The following PBX1 variants were observed in gnomAD, a reference collection of about 807,000 sequenced individuals.
PBX1 encodes pre-B-cell leukemia transcription factor 1.
PBX1 carries 6 observed loss-of-function variants against 53.4 expected under a neutral mutation model. The ratio of observed to expected loss-of-function variants is 0.11; its 90% confidence interval spans 0.06 to 0.22. The LOEUF is 0.22. PBX1 is among the 10% of genes least tolerant of loss of function. The probability of loss-of-function intolerance (pLI) is 1.00; values close to 1 mark genes in which losing one functional copy is unlikely to be tolerated. For synonymous variants in PBX1, 204 were observed against 212.3 expected (o/e 0.96, Z 0.34); for missense variants, 251 against 551.4 (o/e 0.46, Z 5.46).
chr1:164,597,687 C>T (rs1408874596), intron 2 of PBX1, among the ~76,000 whole-genome samples: 10 of 152,106 alleles, frequency 6.6e-5, no homozygotes, highest in African/African-American at 2.4e-4. Flanking sequence ...AGGACATTAC[C>T]TTTAAGAATA....
At chr1:164,655,135 C>T (rs12029702) in intron 2 of PBX1, among the ~76,000 whole-genome samples, 23,623 of 141,376 alleles carry the variant, frequency 0.17, 2,045 homozygotes, top group South Asian at 0.22. Flanking sequence ...TTTTTTAAGA[C>T]GGAATTTCAC....
At chr1:164,823,620 G>A (rs748061643) in intron 8 of PBX1, among the ~76,000 whole-genome samples, 11 of 95,790 alleles carry the variant, frequency 1.1e-4, no homozygotes, top group Non-Finnish European at 1.6e-4. Context: ...TGGGGGGTGG[G>A]GGGGGGGGTC....
chr1:164,786,575 T>C (rs1285493584), intron 2 of PBX1, among the ~76,000 whole-genome samples: 2 of 152,014 alleles, frequency 1.3e-5, no homozygotes, highest in Non-Finnish European at 2.9e-5. Context: ...TTTAGAGAAA[T>C]TAAAAGAAAT....
chr1:164,682,987 G>T (rs1440108945), intron 2 of PBX1: 1 of 152,176 alleles, frequency 6.6e-6, no homozygotes, highest in South Asian at 2.1e-4. Flanking sequence ...GTTTTTTGAT[G>T]TGGAAAGCTA....
At chr1:164,885,742 G>A (rs1213288) in intron 2 of PBX1, among the ~76,000 whole-genome samples, 122,814 of 151,904 alleles carry the variant, frequency 0.81, 49,772 homozygotes, top group Middle Eastern at 0.84. Flanking sequence ...CCAGATATCC[G>A]CAAAGGTCAC....
At chr1:164,836,897 C>T (rs777417143) in intron 8 of PBX1, among the ~76,000 whole-genome samples, 21 of 152,294 alleles carry the variant, frequency 1.4e-4, no homozygotes, top group Admixed American at 8.5e-4. Flanking sequence ...AGGCTGCCAA[C>T]GGAGCCTTTG....
intron 8 of PBX1, among the ~76,000 whole-genome samples, chr1:164,836,263 G>A (rs1671033567): frequency 6.6e-6 from 1 of 152,084 alleles, no homozygotes; most frequent in African/African-American, 2.4e-5. Context: ...ACCATCATAT[G>A]CTCTGCCCAT....
Position 164,870,295 on chromosome 1 carries a change from TTC to T in PBX1, n.258-28891_258-28890del, listed in dbSNP as rs1447841342. Among the ~76,000 whole-genome samples the T allele has an allele frequency of 1.5e-3, 69 of 47,324 alleles. 1 individual carries two copies. The highest frequency in any genetic ancestry group is 0.012 in the Admixed American group (55 of 4,552). 31.0% of individuals were successfully genotyped at this position (47,324 alleles called of 152,430 possible). On this transcript the variant is annotated intron_variant and non_coding_transcript_variant, in intron 2 of 2. Coordinates refer to the PBX1 transcript ENST00000558796. ...TTTCTTTCTTTCTTTCTTTCTTTCT[TTC>T]TTTCTTTCTTTCTTTCTTTCTTTCT...
downstream of PBX1, among the ~76,000 whole-genome samples, chr1:164,854,926 T>A (rs1571534085): frequency 3.4e-5 from 5 of 148,554 alleles, no homozygotes; most frequent in South Asian, 1.1e-3. Flanking sequence ...ACCAGAGTTA[T>A]CCTCCTCTCT....
chr1:164,736,021 G>A (rs1665250722), intron 2 of PBX1, among the ~76,000 whole-genome samples: 1 of 152,148 alleles, frequency 6.6e-6, no homozygotes, highest in South Asian at 2.1e-4. Flanking sequence ...ATCTCCAGCA[G>A]AAACTGGCTT....
chr1:164,665,011 C>T (rs1461388835), intron 2 of PBX1, among the ~76,000 whole-genome samples: 1 of 152,088 alleles, frequency 6.6e-6, no homozygotes, highest in African/African-American at 2.4e-5. Context: ...GAAAAGAGAC[C>T]ATTTTGTAAA....
At chr1:164,837,012 C>T (rs369697288) in intron 8 of PBX1, among the ~76,000 whole-genome samples, 10 of 152,118 alleles carry the variant, frequency 6.6e-5, no homozygotes, top group African/African-American at 2.2e-4. Context: ...TCTCTTTACA[C>T]GGCATGTCAT....
chr1:164,793,941 C>A (rs1160050866), intron 3 of PBX1, among the ~76,000 whole-genome samples: 1 of 129,584 alleles, frequency 7.7e-6, no homozygotes, highest in African/African-American at 2.9e-5. Context: ...CCGGCACGAT[C>A]TCTGTTCACT....
intron 8 of PBX1, among the ~76,000 whole-genome samples, chr1:164,822,340 T>C (rs142901044): frequency 6.6e-6 from 1 of 152,254 alleles, no homozygotes; most frequent in East Asian, 1.9e-4. Context: ...AAAAGGAGGC[T>C]GTTTTTTAGA....
At chr1:164,803,126 T>C (rs1444723310) in intron 4 of PBX1, among the ~76,000 whole-genome samples, 2 of 152,194 alleles carry the variant, frequency 1.3e-5, no homozygotes, top group Non-Finnish European at 2.9e-5. Flanking sequence ...TACTTAGATT[T>C]ACTGGCTTAT....
In PBX1 at chr1:164,677,819, G is replaced by T. The variant is rs149087606; in HGVS notation, c.265+114508G>T. ...GGAAGAGGGTGACAATGAGGGGATT[G>T]GCTTGGCCGTGATGCAGATTTGAGG... On this transcript the variant is annotated intron_variant, in intron 2 of 8. Transcript: ENST00000420696. 1.3e-3 allele frequency among the ~76,000 whole-genome samples: 202 copies of T among 152,248 alleles called. 2 individuals are homozygous for T. Among genetic ancestry groups the T allele is most frequent in the Non-Finnish European group, 2.3e-3 (157 of 68,028 alleles).
intron 2 of PBX1, among the ~76,000 whole-genome samples, chr1:164,608,650 A>G (rs1377780776): frequency 6.6e-6 from 1 of 152,204 alleles, no homozygotes; most frequent in Non-Finnish European, 1.5e-5. Flanking sequence ...CTGAGCCAGA[A>G]TTGGAACTGA....
chr1:164,820,061 T>C lies in PBX1; in HGVS notation c.998-11T>C. The C allele has an allele frequency of 6.3e-7, 1 of 1,575,574 alleles. No individual in the cohort carries two copies. The highest frequency in any genetic ancestry group is 8.7e-7 in the Non-Finnish European group (1 of 1,145,794). The stretch of plus-strand genomic sequence containing the variant: ...TTCTGTGATTCAGGTGCCTCACTCT[T>C]TCCTTTCCAGGTTCTTCCAGTTCTT... On this transcript the variant is annotated splice_polypyrimidine_tract_variant and intron_variant, in intron 6 of 8. Coordinates refer to ENST00000420696, the MANE Select transcript of PBX1 (RefSeq NM_002585.4).
At chr1:164,615,215 A>G (rs67350111) in intron 2 of PBX1, among the ~76,000 whole-genome samples, 1 of 152,172 alleles carries the variant, frequency 6.6e-6, no homozygotes, top group Non-Finnish European at 1.5e-5. Flanking sequence ...TCTGAAAATA[A>G]GAAAAATGAG....
Sources: allele counts gnomAD v4.1 joint callset (sites outside exome capture counted in the v4.1 genomes callset), GRCh38; gene constraint gnomAD v4.1.1; transcripts MANE v1.5; gene names NCBI Gene and HGNC (gene_info 2026-07-23, HGNC 2026-07-21).